The following RNF4 variants were observed in gnomAD, a reference collection of about 807,000 sequenced individuals.
RNF4 encodes ring finger protein 4.
Under a neutral mutation model 24.3 loss-of-function variants are expected in RNF4, and 7 were observed. The observed-to-expected ratio is 0.29, with a 90% CI of 0.16 to 0.54. RNF4 has a LOEUF of 0.54. Ranked by LOEUF, RNF4 falls within the 20% of genes least tolerant of loss-of-function variation. The probability of loss-of-function intolerance (pLI) is 0.95; values close to 1 mark genes in which losing one functional copy is unlikely to be tolerated. For missense variants in RNF4, 209 were observed against 248.5 expected (o/e 0.84, Z 1.07); for synonymous variants, 83 against 84.3 (o/e 0.98, Z 0.09).
In RNF4 at chr4:2,512,692, G is replaced by A. The variant is rs1736302621; in HGVS notation, c.374+95G>A. The A allele has an allele frequency of 7.0e-7, 1 of 1,429,700 alleles. No homozygotes were observed. The highest frequency in any genetic ancestry group is 1.9e-4 in the Middle Eastern group (1 of 5,396). The allele number at this position is 1,429,700 out of a possible 1,614,324, so 88.6% of individuals were successfully genotyped here. A position where few individuals can be genotyped will look rare whatever the true frequency, so the allele number is the denominator to read the frequency against. ...AGCAAATCTGTGAGCCCTTGGCCCT[G>A]GAAGGGCTTGCCCAAGCCTCTACCC... is the stretch of plus-strand genomic sequence containing the variant. On this transcript the variant is annotated intron_variant, in intron 6 of 7. Coordinates refer to ENST00000314289, the MANE Select transcript of RNF4 (RefSeq NM_002938.5). The surrounding 1 kb of genome is among the most constrained non-coding windows in gnomAD (Gnocchi z 4.1).
intron 2 of RNF4, among the ~76,000 whole-genome samples, chr4:2,491,841 C>A (rs1230164743): frequency 6.6e-6 from 1 of 151,976 alleles, no homozygotes; most frequent in African/African-American, 2.4e-5. Flanking sequence ...TCAAGCAATC[C>A]TTTCACCTCA....
intron 1 of RNF4, among the ~76,000 whole-genome samples, chr4:2,486,372 C>T (rs768456154): frequency 1.3e-5 from 2 of 152,154 alleles, no homozygotes; most frequent in Non-Finnish European, 2.9e-5. Context: ...TGCATTTCTA[C>T]GTCCCCACCA....
chr4:2,483,165 C>G (rs1235204830), intron 1 of RNF4, among the ~76,000 whole-genome samples: 1 of 152,188 alleles, frequency 6.6e-6, no homozygotes, highest in African/African-American at 2.4e-5. Context: ...TGTTTCCCAT[C>G]CCATTCCTAG....
At chr4:2,483,161 C>T (rs61790178) in intron 1 of RNF4, among the ~76,000 whole-genome samples, 1 of 152,092 alleles carries the variant, frequency 6.6e-6, no homozygotes, top group African/African-American at 2.4e-5. Flanking sequence ...TTGCTGTTTC[C>T]CATCCCATTC....
chr4:2,506,550 G>GT (rs112602729), intron 4 of RNF4, among the ~76,000 whole-genome samples: 59 of 149,638 alleles, frequency 3.9e-4, no homozygotes, highest in Middle Eastern at 6.8e-3. Flanking sequence ...CTCCAAATTT[G>GT]TTTTTTTTCT....
intron 4 of RNF4, among the ~76,000 whole-genome samples, chr4:2,509,530 CT>C (rs1560414241): frequency 6.6e-6 from 1 of 152,066 alleles, no homozygotes; most frequent in Admixed American, 6.5e-5. Flanking sequence ...TGGTGTTGTT[CT>C]TATACTGAAG....
chr4:2,475,785 G>T lies in RNF4; in HGVS notation c.-158+6527G>T, dbSNP rs372410652. Among the ~76,000 whole-genome samples the T allele has an allele frequency of 7.7e-4, 118 of 152,288 alleles. 1 individual carries two copies. Among genetic ancestry groups the T allele is most frequent in the African/African-American group, 2.8e-3 (116 of 41,550 alleles). ...TCTTACAGAACCACTCTATAAGATA[G>T]TTGTTGTAGTTAGCCCCATTTTACT... is the stretch of plus-strand genomic sequence containing the variant. On this transcript the variant is annotated intron_variant, in intron 1 of 7. Coordinates refer to ENST00000314289, the MANE Select transcript of RNF4 (RefSeq NM_002938.5).
chr4:2,503,065 A>G (rs971846663), intron 4 of RNF4, among the ~76,000 whole-genome samples: 25 of 152,042 alleles, frequency 1.6e-4, no homozygotes, highest in African/African-American at 6.0e-4. Flanking sequence ...TTGTAGAGAC[A>G]GGGTCTCACT....
At chr4:2,486,714 G>T (rs1362150108) in intron 1 of RNF4, among the ~76,000 whole-genome samples, 1 of 152,206 alleles carries the variant, frequency 6.6e-6, no homozygotes, top group African/African-American at 2.4e-5. Flanking sequence ...GCCGTATTTG[G>T]AAGCCTCAAT....
intron 4 of RNF4, among the ~76,000 whole-genome samples, chr4:2,508,932 T>TTTTC (rs1380779535): frequency 1.4e-5 from 2 of 144,722 alleles, no homozygotes; most frequent in African/African-American, 5.1e-5. Flanking sequence ...TTTTTTTTTT[T>TTTTC]TTTTAATTAA....
intron 4 of RNF4, chr4:2,505,263 CT>C (rs750391898): frequency 5.3e-5 from 8 of 151,574 alleles, no homozygotes; most frequent in Non-Finnish European, 8.8e-5. Context: ...ATTTCTGTGT[CT>C]TCTCCAGTGC....
chr4:2,496,494 A>G (rs1735739871), intron 2 of RNF4, among the ~76,000 whole-genome samples: 1 of 151,996 alleles, frequency 6.6e-6, no homozygotes, highest in African/African-American at 2.4e-5. Context: ...GGAGTCTCAC[A>G]CTGTCACCCG....
At chr4:2,475,675 G>A (rs1735049409) in intron 1 of RNF4, among the ~76,000 whole-genome samples, 2 of 152,186 alleles carry the variant, frequency 1.3e-5, no homozygotes, top group South Asian at 4.1e-4. Flanking sequence ...TTGTAGACTG[G>A]GTCTTGCCCT....
At chr4:2,472,903 G>C (rs1040873487) in intron 1 of RNF4, among the ~76,000 whole-genome samples, 4 of 151,938 alleles carry the variant, frequency 2.6e-5, no homozygotes, top group Non-Finnish European at 5.9e-5. Flanking sequence ...AGCCGGTCTT[G>C]GCAGCGGGCA....
Position 2,512,236 on chromosome 4 carries a change from TG to T in RNF4, c.215-196del, listed in dbSNP as rs1428130022. On this transcript the variant is annotated intron_variant, in intron 5 of 7. Coordinates refer to ENST00000314289, the MANE Select transcript of RNF4 (RefSeq NM_002938.5). This position sits in a 1 kb window ranked among gnomAD's most constrained non-coding sequence, Gnocchi z 4.1. ...AAGGCTGGTAGCTCACAGCAGGGGT[TG>T]GGGGGTTTCTCCTGGGAAGATAAGA... 3 of 683,522 alleles carry T rather than the reference TG, an allele frequency of 4.4e-6. No individual in the cohort carries two copies. The highest frequency in any genetic ancestry group is 3.6e-5 in the African/African-American group (2 of 55,586). The allele number at this position is 683,522 out of a possible 1,614,324, so 42.3% of individuals were successfully genotyped here.
At position 2,512,502 on chromosome 4, in the gene RNF4, G is replaced by A; in HGVS notation, c.279G>A (p.Val93=). The change falls in exon 6 of 8, where the codon GTG becomes GTA. Residue 93 remains valine, a synonymous_variant. Transcript: ENST00000314289. The surrounding 1 kb of genome is among the most constrained non-coding windows in gnomAD (Gnocchi z 4.1). ...LPQDHADSCV[V]SSDDEELSRD... The stretch of plus-strand genomic sequence containing the variant: ...AGGACCATGCTGACAGCTGTGTGGT[G>A]AGCAGTGACGATGAGGAGTTGTCCA... The A allele has an allele frequency of 6.2e-7, 1 of 1,613,852 alleles. No homozygotes were observed. The highest frequency in any genetic ancestry group is 8.5e-7 in the Non-Finnish European group (1 of 1,179,802).
At chr4:2,502,412 G>A (rs890016851) in intron 4 of RNF4, among the ~76,000 whole-genome samples, 7 of 151,996 alleles carry the variant, frequency 4.6e-5, no homozygotes, top group South Asian at 2.1e-4. Flanking sequence ...CAGGCTGGGC[G>A]CGGTGGCTCA....
chr4:2,508,063 C>T (rs1397256779), intron 4 of RNF4, among the ~76,000 whole-genome samples: 1 of 152,096 alleles, frequency 6.6e-6, no homozygotes, highest in East Asian at 1.9e-4. Flanking sequence ...CCAGGATGGT[C>T]TCGACCTCCT....
intron 4 of RNF4, among the ~76,000 whole-genome samples, chr4:2,508,632 C>T (rs967809557): frequency 6.6e-5 from 10 of 152,012 alleles, no homozygotes; most frequent in African/African-American, 9.7e-5. Context: ...GTTTTTGAGA[C>T]GGAATTTCAC....
Sources: gnomAD v4.1 joint callset for allele counts (sites outside exome capture counted in the v4.1 genomes callset) on GRCh38, gnomAD v4.1.1 for gene constraint, Gnocchi (gnomAD v3.1) non-coding constraint, MANE v1.5 for transcripts, NCBI Gene and HGNC (gene_info 2026-07-23, HGNC 2026-07-21) for gene names.